RELN: variants seen among roughly 807,000 people sequenced by gnomAD.
RELN encodes reelin.
A neutral mutation model predicts 427.6 loss-of-function variants in RELN; 108 were observed. The ratio of observed to expected loss-of-function variants is 0.25; its 90% CI spans 0.22 to 0.30. The LOEUF is 0.30. Ranked by LOEUF, RELN falls within the 10% of genes least tolerant of loss-of-function variation. The pLI, the probability that RELN is intolerant of heterozygous loss-of-function variation, is 1.00. For synonymous variants in RELN, 1,524 were observed against 1,513.4 expected (o/e 1.01, Z -0.16); for missense variants, 3,715 against 4,302.8 (o/e 0.86, Z 3.82).
chr7:103,805,354 T>C (rs1304943059), intron 3 of RELN, among the ~76,000 whole-genome samples: 1 of 152,232 alleles, frequency 6.6e-6, no homozygotes, highest in Non-Finnish European at 1.5e-5. Context: ...CAACTTTAGA[T>C]ATACGAACGT....
chr7:103,601,344 G>A (rs1562915822), intron 24 of RELN, among the ~76,000 whole-genome samples: 1 of 152,160 alleles, frequency 6.6e-6, no homozygotes, highest in Non-Finnish European at 1.5e-5. Flanking sequence ...AGGAAATACT[G>A]TTAAATGGAC....
In RELN at chr7:103,910,912, C is replaced by A. The variant is rs1046355976; in HGVS notation, c.337+6163G>T. On this transcript the variant is annotated intron_variant, in intron 2 of 64. Coordinates refer to ENST00000428762, the MANE Select transcript of RELN (RefSeq NM_005045.4). Reference sequence around the variant, plus strand: ...AACCATAAAAACCCTAGAAGAAAACCTAGGCATTACTATTCAGGACATAGG... The same window carrying A: ...AACCATAAAAACCCTAGAAGAAAACATAGGCATTACTATTCAGGACATAGG... Among the ~76,000 whole-genome samples the A allele has an allele frequency of 3.6e-5, 5 of 138,524 alleles. 1 individual carries two copies. The highest frequency in any genetic ancestry group is 9.2e-5 in the African/African-American group (3 of 32,742). 90.9% of individuals were successfully genotyped at this position (138,524 alleles called of 152,430 possible).
At chr7:103,700,817 TA>T in intron 9 of RELN, 92 bp downstream of exon 9, 1 of 826,262 alleles carries the variant, frequency 1.2e-6, no homozygotes, top group East Asian at 2.4e-5. Context: ...CTTTTTACCC[TA>T]AAGAAAAAGT....
chr7:103,979,627 C>G (rs543559152), intron 1 of RELN, among the ~76,000 whole-genome samples: 4 of 152,338 alleles, frequency 2.6e-5, no homozygotes, highest in African/African-American at 9.6e-5. Context: ...GTGAACAGGT[C>G]AGAATGCAGA....
intron 46 of RELN, among the ~76,000 whole-genome samples, chr7:103,533,634 C>T (rs1045079151): frequency 3.9e-5 from 6 of 152,116 alleles, no homozygotes; most frequent in Non-Finnish European, 8.8e-5. Context: ...TGCTTATTTT[C>T]AGTACAGAAC....
chr7:103,708,958 T>C (rs1213529112), intron 8 of RELN, among the ~76,000 whole-genome samples: 1 of 152,184 alleles, frequency 6.6e-6, no homozygotes, highest in Non-Finnish European at 1.5e-5. Flanking sequence ...CTCACCAGAA[T>C]GTTGGCCCCT....
At chr7:103,925,280 C>G (rs1244231142) in intron 1 of RELN, among the ~76,000 whole-genome samples, 1 of 151,934 alleles carries the variant, frequency 6.6e-6, no homozygotes, top group Non-Finnish European at 1.5e-5. Flanking sequence ...ATTTTTAGCC[C>G]CAACTGCACT....
chr7:103,844,064 G>GTGTGTT (rs1238456182), intron 2 of RELN, among the ~76,000 whole-genome samples: 2 of 152,136 alleles, frequency 1.3e-5, no homozygotes, highest in Non-Finnish European at 1.5e-5. Context: ...CTGCTCTCTT[G>GTGTGTT]TGTGTTTAAT....
rs2535780 is a variant in RELN at position 103,613,737 on chromosome 7, G to C, written c.2703-1934C>G. ...TACACCAGTCTCCTGGGCATCAGGG[G>C]AGAAAGCCTAACAGTGCCTGGTAGT... is the stretch of plus-strand genomic sequence containing the variant. On this transcript the variant is annotated intron_variant, in intron 20 of 64. Coordinates refer to ENST00000428762, the MANE Select transcript of RELN (RefSeq NM_005045.4). 5.7e-3 allele frequency among the ~76,000 whole-genome samples: 865 copies of C among 152,308 alleles called. 5 individuals carry two copies. Among genetic ancestry groups the C allele is most frequent in the African/African-American group, 0.019 (787 of 41,562 alleles).
Position 103,561,923 on chromosome 7 carries a change from C to T in RELN, c.5241G>A (p.Gln1747=). ...AATCAGCCCCCACAGTGTAGTTGGCCTGAATCCATCTGAACCGGGTCCTGG... is the reference window on the plus strand; with the variant it reads ...AATCAGCCCCCACAGTGTAGTTGGCTTGAATCCATCTGAACCGGGTCCTGG... ...ISPRTRFRWI[Q]ANYTVGADSW... is the part of the protein sequence containing the mutation. Residue 1747 remains glutamine, a synonymous_variant, in exon 35 of 65, where the codon CAG becomes CAA. Coordinates refer to ENST00000428762, the MANE Select transcript of RELN (RefSeq NM_005045.4). 1 of 1,578,766 alleles carries T rather than the reference C, an allele frequency of 6.3e-7. No individual in the cohort carries two copies. Among genetic ancestry groups the T allele is most frequent in the Non-Finnish European group, 8.6e-7 (1 of 1,160,132 alleles).
chr7:103,760,666 A>C (rs1351422392), intron 4 of RELN, among the ~76,000 whole-genome samples: 4 of 152,150 alleles, frequency 2.6e-5, no homozygotes, highest in Non-Finnish European at 5.9e-5. Flanking sequence ...CAAGAATTAT[A>C]TGTAGGTGGC....
At position 103,610,547 on chromosome 7, in the gene RELN, T is replaced by G. The variant is rs113762825; in HGVS notation, c.3008+148A>C. On this transcript the variant is annotated intron_variant, in intron 22 of 64. Transcript: ENST00000428762. Reference sequence around the variant, plus strand: ...ACATAAATGAAAGGTTTTGGTCTTTTGATAATAAAATAAAAAGAATAAACA... The same window carrying G: ...ACATAAATGAAAGGTTTTGGTCTTTGGATAATAAAATAAAAAGAATAAACA... 19 of 658,956 alleles carry G rather than the reference T, an allele frequency of 2.9e-5. No individual in the cohort carries two copies. The South Asian group carries it at 3.2e-4, about 11-fold the overall frequency. The allele number at this position is 658,956 out of a possible 1,614,324, so 40.8% of individuals were successfully genotyped here.
chr7:103,609,883 T>C (rs917066970), intron 22 of RELN, among the ~76,000 whole-genome samples: 1 of 152,186 alleles, frequency 6.6e-6, no homozygotes, highest in African/African-American at 2.4e-5. Flanking sequence ...ATCTTAGAAC[T>C]ACAGGACTGG....
At chr7:103,629,821 T>G (rs1328636758) in intron 20 of RELN, 119 bp downstream of exon 20, 45 of 777,606 alleles carry the variant, frequency 5.8e-5, no homozygotes, top group Non-Finnish European at 6.9e-5. Context: ...TGTTTTCAAG[T>G]AGTTCCTATT....
chr7:103,523,639 C>G (rs548896272), intron 46 of RELN, 108 bp from the exon 47 acceptor site: 5 of 1,034,300 alleles, frequency 4.8e-6, no homozygotes, highest in Non-Finnish European at 7.4e-6. Flanking sequence ...CATGTACATT[C>G]CTACTTCTTT....
In RELN at chr7:103,539,119, A is replaced by G. The variant is rs760393097; in HGVS notation, c.7139T>C (p.Ile2380Thr). The change falls in exon 45 of 65, where the codon ATA becomes ACA. Residue 2380 changes from isoleucine to threonine, a missense_variant. This residue lies in a region of RELN where 1,310 missense variants were observed against 1,643.0 expected (regional missense o/e 0.80). Coordinates refer to ENST00000428762, the MANE Select transcript of RELN (RefSeq NM_005045.4). Reference sequence around the variant, plus strand: ...GACTGAGCAGGAGGCAGCGAAGTCTATCTGTAGGAAGGAATCCTCATTCAC... The same window carrying G: ...GACTGAGCAGGAGGCAGCGAAGTCTGTCTGTAGGAAGGAATCCTCATTCAC... ...VAVNEDSFLQ[I>T]DFAASCSVTD... 6.2e-7 allele frequency: 1 copy of G among 1,614,186 alleles called. No homozygotes were observed. Among genetic ancestry groups the G allele is most frequent in the Non-Finnish European group, 8.5e-7 (1 of 1,180,030 alleles).
intron 2 of RELN, among the ~76,000 whole-genome samples, chr7:103,845,148 T>G (rs1793643932): frequency 1.6e-5 from 1 of 61,914 alleles, no homozygotes; most frequent in Non-Finnish European, 4.4e-5. Flanking sequence ...AAAAAAAAAT[T>G]TTTTTTTTTT....
rs752081680 is a variant in RELN at position 103,551,095 on chromosome 7, C to T, written c.6274G>A (p.Val2092Met). Residue 2092 changes from valine (V) to methionine (M), a missense_variant, in exon 41 of 65, where the codon GTG becomes ATG. Coordinates refer to ENST00000428762, the MANE Select transcript of RELN (RefSeq NM_005045.4). ...GTMQGWRREV[V>M]HFGKLHLCGS... ...CAAAGGTGCAGCTTCCCAAAGTGCA[C>T]GACCTCCCTCCTCCAGCCCTGCATG... 2.0e-5 allele frequency: 33 copies of T among 1,613,518 alleles called. No individual in the cohort carries two copies. Among genetic ancestry groups the T allele is most frequent in the East Asian group, 4.5e-5 (2 of 44,884 alleles).
chr7:103,663,797 G>C (rs1409370502), intron 11 of RELN, among the ~76,000 whole-genome samples: 1 of 152,116 alleles, frequency 6.6e-6, no homozygotes, highest in Non-Finnish European at 1.5e-5. Flanking sequence ...TTCTCTGTTG[G>C]CCTAGGTTCT....
Sources: gnomAD v4.1 joint callset for allele counts (sites outside exome capture counted in the v4.1 genomes callset) on GRCh38, gnomAD v4.1.1 for gene constraint, gnomAD v4.1.1 regional missense constraint, MANE v1.5 for transcripts, NCBI Gene and HGNC (gene_info 2026-07-23, HGNC 2026-07-21) for gene names.